The following WDPCP variants were observed in gnomAD, a reference collection of about 807,000 sequenced individuals.
WDPCP encodes the protein WD repeat containing planar cell polarity effector, also known as WD repeat-containing and planar cell polarity effector protein fritz homolog.
Under a neutral mutation model 93.1 loss-of-function variants are expected in WDPCP, and 71 were observed. That is an observed-to-expected ratio of 0.76 (90% confidence interval 0.63 to 0.93). The LOEUF (loss-of-function observed/expected upper bound fraction) is 0.93, where lower values mean the gene tolerates loss of function less well. WDPCP is among the 40% of genes least tolerant of loss of function. The pLI is 0.00. For missense variants in WDPCP, 844 were observed against 887.4 expected (o/e 0.95, Z 0.62); for synonymous variants, 315 against 315.0 (o/e 1.00, Z 0.00).
upstream of WDPCP, chr2:63,589,111 AC>A: frequency 6.2e-7 from 1 of 1,614,018 alleles, no homozygotes; most frequent in Non-Finnish European, 8.5e-7. Context: ...GGTTTCTTGC[AC>A]TTTAGGGACT....
chr2:63,224,760 G>A (rs1678141565), intron 14 of WDPCP, among the ~76,000 whole-genome samples: 1 of 151,980 alleles, frequency 6.6e-6, no homozygotes, highest in Non-Finnish European at 1.5e-5. Context: ...GCAGAGCACA[G>A]AGGATTCTAA....
intron 1 of WDPCP, among the ~76,000 whole-genome samples, chr2:63,520,432 G>C (rs1702840606): frequency 6.6e-6 from 1 of 152,054 alleles, no homozygotes; most frequent in Non-Finnish European, 1.5e-5. Context: ...AAGACAAATA[G>C]TCATCAGATT....
rs776197587 is a variant in WDPCP, at chr2:63,809,915, T to TA, written n.308+3706dup. Among the ~76,000 whole-genome samples, 285 of 151,386 alleles carry TA rather than the reference T, an allele frequency of 1.9e-3. 1 individual carries two copies. Among genetic ancestry groups the TA allele is most frequent in the Middle Eastern group, 3.4e-3 (1 of 294 alleles). On this transcript the variant is annotated intron_variant and non_coding_transcript_variant, in intron 2 of 4. Coordinates refer to the WDPCP transcript ENST00000467687. ...ACACCCAAGAATGATCAATAAAAAA[T>TA]AAATAAATAAATAAAATTAAATTAA...
At chr2:63,312,540 C>G (rs974014366) in intron 13 of WDPCP, among the ~76,000 whole-genome samples, 2 of 152,166 alleles carry the variant, frequency 1.3e-5, no homozygotes, top group Non-Finnish European at 2.9e-5. Flanking sequence ...ACCTTTTGCT[C>G]TGTTGTTTCT....
chr2:63,205,236 T>C (rs1676249310), intron 14 of WDPCP, among the ~76,000 whole-genome samples: 1 of 152,208 alleles, frequency 6.6e-6, no homozygotes, highest in Admixed American at 6.5e-5. Context: ...GTTGTTTTGG[T>C]TACTATAGCT....
chr2:63,263,232 A>G (rs1446514976), intron 13 of WDPCP, among the ~76,000 whole-genome samples: 1 of 152,206 alleles, frequency 6.6e-6, no homozygotes, highest in African/African-American at 2.4e-5. Flanking sequence ...CTAGGAATTT[A>G]GTTTAAATGT....
At chr2:63,575,507 A>AGCGTATACG in intron 1 of WDPCP, among the ~76,000 whole-genome samples, 1 of 95,606 alleles carries the variant, frequency 1.0e-5, no homozygotes, top group South Asian at 3.3e-4. Flanking sequence ...CAGTATATAC[A>AGCGTATACG]CTGTATATAT....
intron 10 of WDPCP, among the ~76,000 whole-genome samples, chr2:63,394,916 C>G (rs1035327653): frequency 5.3e-5 from 8 of 151,980 alleles, no homozygotes; most frequent in South Asian, 2.1e-4. Context: ...TGGTAAGGAT[C>G]GAAAAACTGC....
At chr2:63,299,947 T>G (rs1231419484) in intron 13 of WDPCP, among the ~76,000 whole-genome samples, 2 of 152,132 alleles carry the variant, frequency 1.3e-5, no homozygotes, top group African/African-American at 4.8e-5. Flanking sequence ...CGGCTCCATC[T>G]TCCCTTCTCT....
At chr2:63,417,666 C>T (rs1343479730) in intron 9 of WDPCP, among the ~76,000 whole-genome samples, 2 of 150,258 alleles carry the variant, frequency 1.3e-5, no homozygotes, top group Non-Finnish European at 3.0e-5. Flanking sequence ...ATTTGATTCA[C>T]ACAGCACAGA....
intron 1 of WDPCP, among the ~76,000 whole-genome samples, chr2:63,577,573 T>C (rs1035777999): frequency 6.6e-6 from 1 of 152,152 alleles, no homozygotes; most frequent in Admixed American, 6.5e-5. Context: ...CAAAATCTAA[T>C]AGTCATGTAA....
intron 2 of WDPCP, chr2:63,717,648 C>T (rs749095673): frequency 3.9e-6 from 2 of 519,230 alleles, no homozygotes; most frequent in Non-Finnish European, 7.8e-6. Flanking sequence ...GACTGCTCAA[C>T]TGCACAAGAT....
intron 6 of WDPCP, among the ~76,000 whole-genome samples, chr2:63,455,264 T>G (rs1371959279): frequency 6.6e-6 from 1 of 151,904 alleles, no homozygotes; most frequent in Non-Finnish European, 1.5e-5. Context: ...TTAACAATAT[T>G]AAAGGAACAA....
intron 6 of WDPCP, among the ~76,000 whole-genome samples, chr2:63,459,352 G>C (rs1698849983): frequency 6.6e-6 from 1 of 151,416 alleles, no homozygotes; most frequent in Non-Finnish European, 1.5e-5. Context: ...GCACATACAA[G>C]GAATTCAGAC....
At chr2:63,425,272 T>A (rs1431451370) in intron 9 of WDPCP, among the ~76,000 whole-genome samples, 1 of 152,130 alleles carries the variant, frequency 6.6e-6, no homozygotes, top group African/African-American at 2.4e-5. Context: ...ACCAGCCCGC[T>A]CAGATGAGAA....
At chr2:63,425,039 T>C (rs1696163822) in intron 9 of WDPCP, among the ~76,000 whole-genome samples, 1 of 152,068 alleles carries the variant, frequency 6.6e-6, no homozygotes, top group South Asian at 2.1e-4. Context: ...GCAGCCTAAA[T>C]TACAACACAA....
Position 63,153,510 on chromosome 2 carries a change from T to C in WDPCP, c.2143A>G (p.Thr715Ala). 6.2e-7 allele frequency: 1 copy of C among 1,612,314 alleles called. No homozygotes were observed. The highest frequency in any genetic ancestry group is 8.5e-7 in the Non-Finnish European group (1 of 1,178,794). ...DICSGFLMTN[T>A]CNAEDGELRE... is the part of the protein sequence containing the mutation. Reference sequence around the variant, plus strand: ...ATACCATTACCTTCTGCATTACAGGTATTAGTCATCAAAAATCCAGAACAG... The same window carrying C: ...ATACCATTACCTTCTGCATTACAGGCATTAGTCATCAAAAATCCAGAACAG... Residue 715 changes from threonine (T) to alanine (A), a missense_variant, in exon 16 of 18, where the codon ACC (threonine) becomes GCC (alanine). By Grantham distance (58) the Thr-to-Ala change is moderately conservative (BLOSUM62 0). Coordinates refer to ENST00000272321, the MANE Select transcript of WDPCP (RefSeq NM_015910.7).
At chr2:63,175,418 CAA>C (rs36047654) in intron 14 of WDPCP, among the ~76,000 whole-genome samples, 11 of 148,318 alleles carry the variant, frequency 7.4e-5, no homozygotes, top group African/African-American at 9.9e-5. Flanking sequence ...TATTAAAAAC[CAA>C]AAAAAAAAAC....
At chr2:63,722,598 C>A (rs1251054781) in intron 2 of WDPCP, among the ~76,000 whole-genome samples, 1 of 133,204 alleles carries the variant, frequency 7.5e-6, no homozygotes, top group Non-Finnish European at 1.7e-5. Flanking sequence ...CCGCCCCGTC[C>A]GGGAGGGAGG....
Sources: allele counts gnomAD v4.1 joint callset (sites outside exome capture counted in the v4.1 genomes callset), GRCh38; gene constraint gnomAD v4.1.1; transcripts MANE v1.5; gene names NCBI Gene and HGNC (gene_info 2026-07-23, HGNC 2026-07-21).